UHRF2: variants seen among roughly 807,000 people sequenced by gnomAD.
UHRF2 encodes E3 ubiquitin-protein ligase UHRF2.
A neutral mutation model predicts 96.8 loss-of-function variants in UHRF2; 23 were observed. That is an observed-to-expected ratio of 0.24 (90% CI 0.17 to 0.34). The LOEUF (loss-of-function observed/expected upper bound fraction) is 0.34, where lower values mean the gene tolerates loss of function less well. UHRF2 is among the 10% of genes least tolerant of loss of function. UHRF2 has a pLI of 1.00. For missense variants in UHRF2, 685 were observed against 981.5 expected, an observed-to-expected ratio of 0.70 and a Z score of 4.04; for synonymous variants, 385 against 332.6, an observed-to-expected ratio of 1.16 and a Z score of -1.72.
In UHRF2 at chr9:6,504,615, A is replaced by T. The variant is rs1191756260; in HGVS notation, c.2186A>T (p.Gln729Leu). Reference protein sequence around the residue: ...EGPNFLKKLEQSFMCVCCQEL... With the variant: ...EGPNFLKKLELSFMCVCCQEL... ...TAGAATTTTCTGAAAAAATTGGAAC[A>T]ATCTTTTATGTGCGTTTGCTGTCAG... Residue 729 changes from glutamine (Q) to leucine (L), a missense_variant, in exon 15 of 16, where the codon CAA (glutamine) becomes CTA (leucine). Physicochemically the swap from Gln to Leu is moderately radical, Grantham distance 113 (BLOSUM62 -2). This residue lies in a region of UHRF2 where 71 missense variants were observed against 114.1 expected (regional missense o/e 0.62). Coordinates refer to ENST00000276893, the MANE Select transcript of UHRF2 (RefSeq NM_152896.3). 6.2e-7 allele frequency: 1 copy of T among 1,613,664 alleles called. No homozygotes were observed. Among genetic ancestry groups the T allele is most frequent in the South Asian group, 1.1e-5 (1 of 90,974 alleles).
chr9:6,445,096 G>A (rs1482634183), intron 3 of UHRF2, among the ~76,000 whole-genome samples: 1 of 135,802 alleles, frequency 7.4e-6, no homozygotes, highest in Non-Finnish European at 1.5e-5. Context: ...TTTGAGGCCA[G>A]CTTGGACTAC....
intron 4 of UHRF2, among the ~76,000 whole-genome samples, chr9:6,472,815 A>G (rs1366142468): frequency 6.6e-6 from 1 of 152,226 alleles, no homozygotes; most frequent in Non-Finnish European, 1.5e-5. Flanking sequence ...GAGTATTTGT[A>G]ATATTCTAAT....
Position 6,451,662 on chromosome 9 carries a change from G to A in UHRF2, c.645-8911G>A, listed in dbSNP as rs566018178. ...CTCCCGGCTAATTTTTAGTTCAGACGGGGTTTCACCATGTTAGCCAGCATG... is the reference window on the plus strand; with the variant it reads ...CTCCCGGCTAATTTTTAGTTCAGACAGGGTTTCACCATGTTAGCCAGCATG... On this transcript the variant is annotated intron_variant, in intron 3 of 15. Transcript: ENST00000276893. Among the ~76,000 whole-genome samples the A allele has an allele frequency of 1.1e-3, 172 of 151,696 alleles. 1 individual carries two copies. The highest frequency in any genetic ancestry group is 4.0e-3 in the African/African-American group (167 of 41,378).
intron 4 of UHRF2, among the ~76,000 whole-genome samples, chr9:6,465,366 C>G (rs1347295567): frequency 1.3e-5 from 2 of 152,058 alleles, no homozygotes; most frequent in African/African-American, 2.4e-5. Context: ...TTCTTTCTTA[C>G]GGTAGAGTTT....
intron 1 of UHRF2, among the ~76,000 whole-genome samples, chr9:6,418,250 A>T (rs893038465): frequency 7.0e-6 from 1 of 142,976 alleles, no homozygotes; most frequent in Non-Finnish European, 1.5e-5. Flanking sequence ...TCAAGACTAG[A>T]GGATGTTCCT....
Position 6,498,029 on chromosome 9 carries a change from C to T in UHRF2, c.1779C>T (p.Tyr593=), listed in dbSNP as rs909095410. The T allele has an allele frequency of 1.7e-5, 27 of 1,612,508 alleles. No homozygotes were observed. The highest frequency in any genetic ancestry group is 2.3e-5 in the Non-Finnish European group (27 of 1,179,874). The change falls in exon 12 of 16, where the codon TAC becomes TAT. Residue 593 remains tyrosine (Y), a synonymous_variant. Transcript: ENST00000276893. ...ATATTGTGATTTAGGTGGTGAAATA[C>T]TGGCCAGAGATTTCATCAAGCCATG... The part of the protein sequence containing the change: ...RYDGIYKVVK[Y]WPEISSSHGF...
intron 1 of UHRF2, among the ~76,000 whole-genome samples, chr9:6,417,845 C>T (rs760174906): frequency 3.9e-5 from 6 of 152,138 alleles, no homozygotes; most frequent in African/African-American, 2.4e-5. Context: ...TGTATTTACT[C>T]CTGACCGTCA....
intron 4 of UHRF2, among the ~76,000 whole-genome samples, chr9:6,463,384 A>G (rs1335615532): frequency 6.6e-6 from 1 of 152,214 alleles, no homozygotes; most frequent in Non-Finnish European, 1.5e-5. Context: ...AATAAAATGT[A>G]AAGTATTATT....
intron 14 of UHRF2, among the ~76,000 whole-genome samples, chr9:6,502,923 A>G (rs868502042): frequency 1.3e-5 from 2 of 152,214 alleles, no homozygotes; most frequent in African/African-American, 4.8e-5. Context: ...CATGTTCATA[A>G]ATCAGTTAAT....
At chr9:6,489,076 C>G (rs968474374) in intron 9 of UHRF2, among the ~76,000 whole-genome samples, 2 of 152,184 alleles carry the variant, frequency 1.3e-5, no homozygotes, top group East Asian at 3.8e-4. Flanking sequence ...TCCCAAAGTG[C>G]TGGGATTACA....
chr9:6,497,429 A>C, intron 11 of UHRF2, 69 bp downstream of exon 11: 2 of 1,561,658 alleles, frequency 1.3e-6, no homozygotes, highest in Non-Finnish European at 1.7e-6. Context: ...TGTTGCAAGG[A>C]ACTACTGTGG....
intron 3 of UHRF2, among the ~76,000 whole-genome samples, chr9:6,439,943 G>A (rs424119): frequency 0.94 from 143,283 of 152,308 alleles, 67,459 homozygotes; most frequent in East Asian, 0.99. Context: ...AGTGGTTAAT[G>A]TAAAAGAAAA....
chr9:6,452,730 C>T (rs1821948875), intron 3 of UHRF2, among the ~76,000 whole-genome samples: 1 of 152,178 alleles, frequency 6.6e-6, no homozygotes, highest in South Asian at 2.1e-4. Context: ...TCAGAGAATA[C>T]TGAGCACCAG....
In UHRF2 at chr9:6,500,046, C is replaced by T. The variant is rs899226955; in HGVS notation, c.2005+115C>T. Reference sequence around the variant, plus strand: ...GGAGTGCAGTGGAAAGATCTTGGCTCACTGTAGCCTTGACCTCCTGGGCTC... The same window carrying T: ...GGAGTGCAGTGGAAAGATCTTGGCTTACTGTAGCCTTGACCTCCTGGGCTC... On this transcript the variant is annotated intron_variant, in intron 13 of 15. Transcript: ENST00000276893. 8.6e-6 allele frequency: 7 copies of T among 817,934 alleles called. No homozygotes were observed. The East Asian group carries it at 2.1e-4, about 25-fold the overall frequency. 50.7% of individuals were successfully genotyped at this position (817,934 alleles called of 1,614,324 possible).
chr9:6,416,942 C>T (rs986775931), intron 1 of UHRF2, among the ~76,000 whole-genome samples: 1 of 152,106 alleles, frequency 6.6e-6, no homozygotes, highest in Non-Finnish European at 1.5e-5. Context: ...GGGGCATGAA[C>T]TATAGTTGAA....
intron 9 of UHRF2, among the ~76,000 whole-genome samples, chr9:6,489,048 G>T (rs956001568): frequency 6.6e-6 from 1 of 151,960 alleles, no homozygotes; most frequent in African/African-American, 2.4e-5. Flanking sequence ...GACCTCAAGT[G>T]ACCCGCCTAC....
At chr9:6,486,512 A>C (rs1283306824) in intron 8 of UHRF2, among the ~76,000 whole-genome samples, 1 of 152,238 alleles carries the variant, frequency 6.6e-6, no homozygotes, top group Non-Finnish European at 1.5e-5. Flanking sequence ...TGGAAGTTCC[A>C]ATAGACATAA....
At chr9:6,500,092 C>T (rs1335725702) in intron 13 of UHRF2, among the ~76,000 whole-genome samples, 161 bp downstream of exon 13, 1 of 152,098 alleles carries the variant, frequency 6.6e-6, no homozygotes, top group Non-Finnish European at 1.5e-5. Flanking sequence ...CCTACCTCAA[C>T]CTCTGAAGTA....
chr9:6,504,757 T>C, intron 15 of UHRF2, 66 bp downstream of exon 15: 2 of 1,287,708 alleles, frequency 1.6e-6, no homozygotes, highest in Non-Finnish European at 2.2e-6. Context: ...TATACCTGTT[T>C]TTAGCATGCT....
Sources: gnomAD v4.1 joint callset for allele counts (sites outside exome capture counted in the v4.1 genomes callset) on GRCh38, gnomAD v4.1.1 for gene constraint, gnomAD v4.1.1 regional missense constraint, MANE v1.5 for transcripts, NCBI Gene and HGNC (gene_info 2026-07-23, HGNC 2026-07-21) for gene names.